Variants in MTREX observed in about 807,000 individuals in gnomAD.
MTREX encodes the protein Mtr4 exosome RNA helicase.
MTREX carries 76 observed loss-of-function variants against 135.4 expected under a neutral mutation model. The ratio of observed to expected loss-of-function variants is 0.56; its 90% CI spans 0.47 to 0.68. The LOEUF is 0.68. Among genes scored for constraint, MTREX ranks in the 30% least tolerant of loss-of-function variants. The pLI is 0.00. For missense variants in MTREX, 920 were observed against 1,262.1 expected (o/e 0.73, Z 4.11); for synonymous variants, 404 against 401.6 (o/e 1.01, Z -0.07).
At chr5:55,404,269 TGTACTA>T (rs1750767185) in intron 21 of MTREX, among the ~76,000 whole-genome samples, 1 of 152,230 alleles carries the variant, frequency 6.6e-6, no homozygotes, top group African/African-American at 2.4e-5. Flanking sequence ...TTTTTGTTCT[TGTACTA>T]CTGTATGCTT....
At chr5:55,333,991 G>C (rs1265576596) in intron 5 of MTREX, among the ~76,000 whole-genome samples, 1 of 152,120 alleles carries the variant, frequency 6.6e-6, no homozygotes, top group African/African-American at 2.4e-5. Flanking sequence ...TATCCAGACA[G>C]TGGAATATTA....
intron 1 of MTREX, among the ~76,000 whole-genome samples, chr5:55,311,321 T>C (rs1475223970): frequency 2.0e-5 from 3 of 152,196 alleles, no homozygotes; most frequent in Non-Finnish European, 2.9e-5. Flanking sequence ...AAATACTGAA[T>C]CTGCAGTGAG....
intron 20 of MTREX, among the ~76,000 whole-genome samples, chr5:55,398,607 C>T (rs771403395): frequency 1.8e-4 from 28 of 152,174 alleles, no homozygotes; most frequent in Non-Finnish European, 3.7e-4. Context: ...CAGAAATACA[C>T]ATTAATCATT....
chr5:55,413,020 C>T lies in MTREX; in HGVS notation c.2752-1162C>T, dbSNP rs144628750. 4.6e-3 allele frequency among the ~76,000 whole-genome samples: 696 copies of T among 151,732 alleles called. 5 individuals carry two copies. Among genetic ancestry groups the T allele is most frequent in the African/African-American group, 0.016 (644 of 41,352 alleles). On this transcript the variant is annotated intron_variant, in intron 23 of 26. Transcript: ENST00000230640. ...GTGCTTAAAATAAAGGCAGATATGTCGCAACTAGCCTACAATTGCTTTAAA... is the reference window on the plus strand; with the variant it reads ...GTGCTTAAAATAAAGGCAGATATGTTGCAACTAGCCTACAATTGCTTTAAA...
chr5:55,346,570 C>T (rs1749736535), intron 10 of MTREX, among the ~76,000 whole-genome samples: 1 of 152,186 alleles, frequency 6.6e-6, no homozygotes, highest in Non-Finnish European at 1.5e-5. Context: ...TTTCAGTTTA[C>T]ATTTCCCTGG....
intron 21 of MTREX, among the ~76,000 whole-genome samples, chr5:55,400,746 A>T (rs1192602090): frequency 1.3e-5 from 2 of 152,222 alleles, no homozygotes; most frequent in Non-Finnish European, 2.9e-5. Flanking sequence ...ACTTGCAACC[A>T]TCACCACTAT....
intron 1 of MTREX, among the ~76,000 whole-genome samples, chr5:55,310,763 A>G (rs1434392450): frequency 2.0e-5 from 3 of 152,190 alleles, no homozygotes; most frequent in Non-Finnish European, 4.4e-5. Context: ...GATCAAGTGG[A>G]TGCTTTTTAA....
At position 55,350,908 on chromosome 5, in the gene MTREX, C is replaced by T; in HGVS notation, c.1321-11C>T. ...CATCATTATAAAATCAGTGTTATTC[C>T]AAAATCACAGGTAGAACATGTACTT... On this transcript the variant is annotated splice_polypyrimidine_tract_variant and intron_variant, in intron 12 of 26. Transcript: ENST00000230640. The T allele has an allele frequency of 2.5e-6, 4 of 1,576,142 alleles. No homozygotes were observed. The highest frequency in any genetic ancestry group is 2.4e-5 in the South Asian group (2 of 83,088).
chr5:55,411,764 T>C (rs569777604), intron 23 of MTREX, among the ~76,000 whole-genome samples: 1 of 152,160 alleles, frequency 6.6e-6, no homozygotes, highest in Admixed American at 6.5e-5. Flanking sequence ...CAAAATATTG[T>C]GTTTGTTTTT....
Position 55,425,297 on chromosome 5 carries a change from G to C in MTREX, c.*525G>C, listed in dbSNP as rs370639768. The C allele has an allele frequency of 1.2e-6, 2 of 1,609,486 alleles. No individual in the cohort carries two copies. Among genetic ancestry groups the C allele is most frequent in the African/African-American group, 1.3e-5 (1 of 74,776 alleles). On this transcript the variant is annotated 3_prime_UTR_variant, in exon 27 of 27. Transcript: ENST00000230640. ...GTCCTCCTCTTTTCTTTCTTTAAAA[G>C]AAGTTCTTTCTTTGAAGAAATCCGA...
At chr5:55,408,719 C>G (rs750585281) in intron 22 of MTREX, among the ~76,000 whole-genome samples, 3 of 151,804 alleles carry the variant, frequency 2.0e-5, no homozygotes, top group Non-Finnish European at 4.4e-5. Flanking sequence ...AACACAGTTG[C>G]AAATTCAGAA....
At chr5:55,421,752 T>G (rs2111634160) in intron 25 of MTREX, among the ~76,000 whole-genome samples, 1 of 152,348 alleles carries the variant, frequency 6.6e-6, no homozygotes, top group South Asian at 2.1e-4. Context: ...AAGGATTTCA[T>G]TTCAATCCTA....
chr5:55,418,200 C>G (rs182868119), intron 25 of MTREX, among the ~76,000 whole-genome samples: 2,124 of 143,778 alleles, frequency 0.015, 53 homozygotes, highest in African/African-American at 0.051. Flanking sequence ...TGCCACTGCA[C>G]TCCAGCCTGG....
intron 23 of MTREX, among the ~76,000 whole-genome samples, chr5:55,412,421 G>T (rs1195924039): frequency 6.6e-6 from 1 of 152,138 alleles, no homozygotes; most frequent in Non-Finnish European, 1.5e-5. Flanking sequence ...CCCAATGTGG[G>T]CAGTGTACAG....
At chr5:55,380,344 A>G (rs764454243) in intron 18 of MTREX, among the ~76,000 whole-genome samples, 60 of 152,122 alleles carry the variant, frequency 3.9e-4, no homozygotes, top group Non-Finnish European at 7.8e-4. Flanking sequence ...GATATGTGCA[A>G]CCATCACCAC....
In MTREX at chr5:55,341,735, G is replaced by A; in HGVS notation, c.745G>A (p.Val249Ile). Residue 249 changes from valine (V) to isoleucine (I), a missense_variant, in exon 7 of 27, where the codon GTT (valine) becomes ATT (isoleucine). Physicochemically the swap from Val to Ile is conservative, Grantham distance 29. Transcript: ENST00000230640. Reference protein sequence around the residue: ...GSEVMREVAWVIFDEIHYMRD... With the variant: ...GSEVMREVAWIIFDEIHYMRD... ...CGAAGTTATGAGAGAAGTTGCTTGG[G>A]TTATATTTGATGAAATTCATTATAT... 1 of 1,590,562 alleles carries A rather than the reference G, an allele frequency of 6.3e-7. No individual in the cohort carries two copies. Among genetic ancestry groups the A allele is most frequent in the Non-Finnish European group, 8.6e-7 (1 of 1,161,370 alleles).
intron 14 of MTREX, among the ~76,000 whole-genome samples, chr5:55,358,341 C>G (rs893500513): frequency 7.2e-5 from 11 of 152,080 alleles, no homozygotes; most frequent in Admixed American, 5.9e-4. Flanking sequence ...GATAATAAGT[C>G]TAAAATTTAG....
intron 22 of MTREX, among the ~76,000 whole-genome samples, chr5:55,408,236 G>A (rs763277258): frequency 1.3e-5 from 2 of 151,970 alleles, no homozygotes; most frequent in Non-Finnish European, 2.9e-5. Context: ...CATATCCTGC[G>A]ATTCTTGCAT....
At chr5:55,335,714 A>G (rs1191977590) in intron 5 of MTREX, among the ~76,000 whole-genome samples, 1 of 152,088 alleles carries the variant, frequency 6.6e-6, no homozygotes, top group African/African-American at 2.4e-5. Context: ...TAACTTCATT[A>G]TTTTTAAAAA....
Sources: allele counts gnomAD v4.1 joint callset (sites outside exome capture counted in the v4.1 genomes callset), GRCh38; gene constraint gnomAD v4.1.1; transcripts MANE v1.5; gene names NCBI Gene and HGNC (gene_info 2026-07-23, HGNC 2026-07-21).